Variants in CCDC125 observed in about 807,000 individuals in gnomAD.
The protein encoded by CCDC125 is coiled-coil domain-containing protein 125.
Under a neutral mutation model 57.4 loss-of-function variants are expected in CCDC125, and 43 were observed. The observed-to-expected ratio is 0.75, with a 90% confidence interval of 0.59 to 0.97. CCDC125 has a LOEUF of 0.97. Ranked by LOEUF, CCDC125 falls within the 50% of genes least tolerant of loss-of-function variation. The probability of loss-of-function intolerance (pLI) is 0.00; values close to 1 mark genes in which losing one functional copy is unlikely to be tolerated. For missense variants in CCDC125, 563 were observed against 595.7 expected, an observed-to-expected ratio of 0.95 and a Z score of 0.57; for synonymous variants, 187 against 195.2, an observed-to-expected ratio of 0.96 and a Z score of 0.35.
At chr5:69,287,837 G>A (rs1753766391) in intron 10 of CCDC125, among the ~76,000 whole-genome samples, 1 of 152,006 alleles carries the variant, frequency 6.6e-6, no homozygotes, top group Non-Finnish European at 1.5e-5. Flanking sequence ...CCAAAGCGCT[G>A]GGATTACAGG....
intron 1 of CCDC125, among the ~76,000 whole-genome samples, chr5:69,329,501 T>G: frequency 7.0e-6 from 1 of 142,532 alleles, no homozygotes; most frequent in Non-Finnish European, 1.5e-5. Flanking sequence ...ATTCAAGTCT[T>G]TTTTTTTTTT....
intron 10 of CCDC125, among the ~76,000 whole-genome samples, chr5:69,286,451 C>G (rs1425368516): frequency 1.3e-5 from 2 of 151,118 alleles, no homozygotes; most frequent in Non-Finnish European, 2.9e-5. Context: ...CCAGGATGGT[C>G]TCGATCTCCT....
intron 11 of CCDC125, among the ~76,000 whole-genome samples, chr5:69,283,740 G>T (rs369631007): frequency 2.6e-5 from 4 of 151,542 alleles, no homozygotes; most frequent in African/African-American, 9.7e-5. Context: ...CACTCGCCTC[G>T]GCCTCCCAAA....
chr5:69,280,231 A>G lies in CCDC125; in HGVS notation c.*2498T>C, dbSNP rs886904697. Reference sequence around the variant, plus strand: ...CAGCATTCACATTGTAATTGAGCTCATTTAAGCAAAGCTATCTTCAGTAGG... The same window carrying G: ...CAGCATTCACATTGTAATTGAGCTCGTTTAAGCAAAGCTATCTTCAGTAGG... On this transcript the variant is annotated 3_prime_UTR_variant, in exon 12 of 12. Coordinates refer to ENST00000396496, the MANE Select transcript of CCDC125 (RefSeq NM_176816.5). 3.3e-5 allele frequency: 5 copies of G among 152,374 alleles called. No individual in the cohort carries two copies. Among genetic ancestry groups the G allele is most frequent in the Admixed American group, 2.6e-4 (4 of 15,308 alleles). The allele number at this position is 152,374 out of a possible 1,614,324, so 9.4% of individuals were successfully genotyped here.
downstream of CCDC125, among the ~76,000 whole-genome samples, chr5:69,276,106 T>C (rs1458958821): frequency 6.6e-6 from 1 of 152,140 alleles, no homozygotes; most frequent in Non-Finnish European, 1.5e-5. Flanking sequence ...CTCGGCTCAC[T>C]GCAACCTCTG....
At position 69,313,060 on chromosome 5, in the gene CCDC125, G is replaced by A. The variant is rs116346102; in HGVS notation, c.366+925C>T. Among the ~76,000 whole-genome samples, 246 of 152,208 alleles carry A rather than the reference G, an allele frequency of 1.6e-3. 1 individual carries two copies. The highest frequency in any genetic ancestry group is 5.6e-3 in the African/African-American group (231 of 41,536). ...AAGGGAAGAGGGGGAGGAACAGGTG[G>A]GGAGTGGGGGTGTTGTTAAAGAAAA... On this transcript the variant is annotated intron_variant, in intron 3 of 11. Coordinates refer to ENST00000396496, the MANE Select transcript of CCDC125 (RefSeq NM_176816.5).
chr5:69,278,026 G>A (rs926374477), downstream of CCDC125, among the ~76,000 whole-genome samples: 5 of 151,858 alleles, frequency 3.3e-5, no homozygotes, highest in Non-Finnish European at 7.4e-5. Flanking sequence ...TTATGGGCAC[G>A]CACCACTACA....
chr5:69,321,502 T>C (rs1026292675), intron 1 of CCDC125, among the ~76,000 whole-genome samples: 1 of 152,218 alleles, frequency 6.6e-6, no homozygotes, highest in Non-Finnish European at 1.5e-5. Context: ...CTGGGCTACA[T>C]GGTAGAGCCT....
rs762377509 is a variant in CCDC125, at chr5:69,294,940, C to T, written c.817-40G>A. ...GCATTGCTCCTGTTATTAAGTGTCA[C>T]ACTGTTTTAGCTGCACACAAACACA... On this transcript the variant is annotated intron_variant, in intron 8 of 11. Transcript: ENST00000396496. 4 of 1,557,540 alleles carry T rather than the reference C, an allele frequency of 2.6e-6. No homozygotes were observed. In the African/African-American group the frequency reaches 4.1e-5, roughly 16 times the overall value.
In CCDC125 at chr5:69,311,236, C is replaced by A. The variant is rs755831180; in HGVS notation, c.367-32G>T. 5.2e-6 allele frequency: 7 copies of A among 1,347,812 alleles called. No individual in the cohort carries two copies. In the Admixed American group the frequency reaches 1.1e-4, roughly 21 times the overall value. 83.5% of individuals were successfully genotyped at this position (1,347,812 alleles called of 1,614,324 possible). On this transcript the variant is annotated intron_variant, in intron 3 of 11. Transcript: ENST00000396496. ...ACAGAAAGAAAATTAGTCTTCCTAT[C>A]TGCAAGATATGCAACCCTAAAATTA...
chr5:69,275,903 G>T (rs975195790), downstream of CCDC125, among the ~76,000 whole-genome samples: 12 of 152,098 alleles, frequency 7.9e-5, no homozygotes, highest in South Asian at 2.1e-4. Flanking sequence ...CATCCCCAAG[G>T]TACGTCATGT....
intron 4 of CCDC125, 196 bp from the exon 5 acceptor site, chr5:69,308,224 G>A (rs929049913): frequency 1.7e-6 from 1 of 591,266 alleles, no homozygotes; most frequent in African/African-American, 1.9e-5. Flanking sequence ...TCCAATGAAT[G>A]TGGGAATTAA....
At chr5:69,300,876 TTTC>T (rs1756298859) in intron 7 of CCDC125, among the ~76,000 whole-genome samples, 2 of 151,954 alleles carry the variant, frequency 1.3e-5, no homozygotes, top group Non-Finnish European at 2.9e-5. Flanking sequence ...TTTCCTTTCT[TTTC>T]TTCTTTTTTT....
At chr5:69,317,590 T>C (rs1211947959) in intron 2 of CCDC125, among the ~76,000 whole-genome samples, 2 of 152,214 alleles carry the variant, frequency 1.3e-5, no homozygotes, top group Admixed American at 6.6e-5. Flanking sequence ...AAGAGGAAGT[T>C]TTACAACATA....
At position 69,324,315 on chromosome 5, in the gene CCDC125, A is replaced by G. The variant is rs12657860; in HGVS notation, c.-40-3735T>C. ...ATAACTTAAACCCCAGTGAGATTCC[A>G]CCTCACCGCACTGACAATTCCAAGT... is the stretch of plus-strand genomic sequence containing the variant. On this transcript the variant is annotated intron_variant, in intron 1 of 11. Coordinates refer to ENST00000396496, the MANE Select transcript of CCDC125 (RefSeq NM_176816.5). Among the ~76,000 whole-genome samples, 24 of 152,326 alleles carry G rather than the reference A, an allele frequency of 1.6e-4. No individual in the cohort carries two copies. In the East Asian group the frequency reaches 4.4e-3, roughly 28 times the overall value.
intron 10 of CCDC125, among the ~76,000 whole-genome samples, chr5:69,290,947 A>T (rs1384220458): frequency 6.6e-6 from 1 of 152,132 alleles, no homozygotes; most frequent in Non-Finnish European, 1.5e-5. Flanking sequence ...TCCATTTTAA[A>T]TATTTTCTAT....
At chr5:69,300,886 T>C (rs567130482) in intron 7 of CCDC125, among the ~76,000 whole-genome samples, 2 of 152,096 alleles carry the variant, frequency 1.3e-5, no homozygotes, top group South Asian at 2.1e-4. Flanking sequence ...TTTCTTCTTT[T>C]TTTCCTTCCT....
intron 10 of CCDC125, 135 bp downstream of exon 10, chr5:69,292,053 T>TG: frequency 1.2e-6 from 1 of 801,340 alleles, no homozygotes; most frequent in Non-Finnish European, 1.9e-6. Flanking sequence ...TTGCTAAGTT[T>TG]TTAAGTAAAC....
chr5:69,303,362 T>TC (rs70992919), intron 7 of CCDC125, among the ~76,000 whole-genome samples: 128 of 24,830 alleles, frequency 5.2e-3, no homozygotes, highest in African/African-American at 0.023. Context: ...AATTGTTCAC[T>TC]TTTTTTTTTT....
Sources: allele counts gnomAD v4.1 joint callset (sites outside exome capture counted in the v4.1 genomes callset), GRCh38; gene constraint gnomAD v4.1.1; transcripts MANE v1.5; gene names NCBI Gene and HGNC (gene_info 2026-07-23, HGNC 2026-07-21).